The following DSG2 variants were observed in gnomAD, a reference collection of about 807,000 sequenced individuals.
DSG2 encodes desmoglein 2, also known as desmoglein-2.
A neutral mutation model predicts 75.6 loss-of-function variants in DSG2; 45 were observed. That is an observed-to-expected ratio of 0.60 (90% CI 0.47 to 0.76). The LOEUF is 0.76. Among genes scored for constraint, DSG2 ranks in the 30% least tolerant of loss-of-function variants. The pLI is 0.00. For missense variants in DSG2, 1,267 were observed against 1,357.4 expected, an observed-to-expected ratio of 0.93 and a Z score of 1.05; for synonymous variants, 429 against 483.9, an observed-to-expected ratio of 0.89 and a Z score of 1.49.
At chr18:31,530,768 T>G (rs1348733695) in intron 8 of DSG2, among the ~76,000 whole-genome samples, 2 of 152,086 alleles carry the variant, frequency 1.3e-5, no homozygotes, top group East Asian at 3.9e-4. Context: ...GAAAATAAAT[T>G]GGTAATACTT....
Position 31,538,767 on chromosome 18 carries a change from G to T in DSG2, c.1668G>T (p.Leu556=), listed in dbSNP as rs1173417819. 3.1e-6 allele frequency: 5 copies of T among 1,614,058 alleles called. No individual in the cohort carries two copies. In the African/African-American group the frequency reaches 4.0e-5, roughly 13 times the overall value. Residue 556 remains leucine (L), a synonymous_variant, in exon 12 of 15, where the codon CTG becomes CTT. Coordinates refer to ENST00000261590, the MANE Select transcript of DSG2 (RefSeq NM_001943.5). ...IARQESTSVL[L]QQSEKKLGRS... ...ACCTTGTAGGTACCAGTGTGCTGCT[G>T]CAACAAAGTGAGAAAAAGCTTGGGA... is the stretch of plus-strand genomic sequence containing the variant.
At chr18:31,525,013 G>C in intron 8 of DSG2, 125 bp downstream of exon 8, 1 of 941,694 alleles carries the variant, frequency 1.1e-6, no homozygotes, top group East Asian at 2.6e-5. Flanking sequence ...ACAGTTGTTT[G>C]AGAAAGGAGC....
rs577638064 is a variant in DSG2, at chr18:31,501,424, G to A, written c.45+3128G>A. 7.2e-5 allele frequency among the ~76,000 whole-genome samples: 11 copies of A among 152,336 alleles called. 1 individual carries two copies. In the South Asian group the frequency reaches 2.1e-3, roughly 29 times the overall value. ...AGTTTGCTAGGACTGCTGTAACGAA[G>A]TGCTAAAAACTGAGTGGCTTAAAAC... On this transcript the variant is annotated intron_variant, in intron 1 of 14. Transcript: ENST00000261590.
At chr18:31,514,398 G>A (rs915860135) in intron 1 of DSG2, among the ~76,000 whole-genome samples, 2 of 152,124 alleles carry the variant, frequency 1.3e-5, no homozygotes, top group African/African-American at 4.8e-5. Context: ...TTTTATACAT[G>A]TTTGCAATTT....
At chr18:31,520,711 A>G in intron 3 of DSG2, 92 bp from the exon 4 acceptor site, 1 of 1,335,108 alleles carries the variant, frequency 7.5e-7, no homozygotes, top group Non-Finnish European at 1.0e-6. Context: ...CCTGTAAATT[A>G]TAGAGAATCA....
In DSG2 at chr18:31,546,466, C is replaced by G; in HGVS notation, c.3080C>G (p.Ser1027Ter). The G allele has an allele frequency of 6.2e-7, 1 of 1,614,194 alleles. No individual in the cohort carries two copies. The highest frequency in any genetic ancestry group is 8.5e-7 in the Non-Finnish European group (1 of 1,180,018). ...RERESFLAPS[S>*]GVQPTLAMPN... ...AGAGAGAGCTTCCTTGCCCCCAGCT[C>G]AGGTGTGCAGCCTACTCTGGCCATG... The change falls in exon 15 of 15, where the codon TCA becomes TGA. Residue 1027 changes from serine to a stop codon, truncating the protein, a stop_gained. Coordinates refer to ENST00000261590, the MANE Select transcript of DSG2 (RefSeq NM_001943.5). LOFTEE classifies it low-confidence loss of function (END_TRUNC).
chr18:31,534,060 G>A (rs868097426), intron 9 of DSG2, among the ~76,000 whole-genome samples: 5 of 144,656 alleles, frequency 3.5e-5, no homozygotes, highest in Admixed American at 1.4e-4. Context: ...GCACGATCTC[G>A]GCTTACTGCA....
chr18:31,530,842 T>C (rs1330279854), intron 8 of DSG2, 145 bp from the exon 9 acceptor site: 1 of 722,658 alleles, frequency 1.4e-6, no homozygotes, highest in Admixed American at 2.8e-5. Flanking sequence ...TTGGTGTCAG[T>C]ATAAGAGTTG....
chr18:31,542,963 T>A, intron 14 of DSG2, 111 bp downstream of exon 14: 1 of 1,016,742 alleles, frequency 9.8e-7, no homozygotes, highest in Non-Finnish European at 1.4e-6. Flanking sequence ...CTTTGGGTTT[T>A]TTTTTTTTTT....
At position 31,507,689 on chromosome 18, in the gene DSG2, C is replaced by A. The variant is rs146427878; in HGVS notation, c.45+9393C>A. Among the ~76,000 whole-genome samples, 701 of 152,256 alleles carry A rather than the reference C, an allele frequency of 4.6e-3. 6 individuals are homozygous for A. The highest frequency in any genetic ancestry group is 0.016 in the African/African-American group (665 of 41,550). On this transcript the variant is annotated intron_variant, in intron 1 of 14. Coordinates refer to ENST00000261590, the MANE Select transcript of DSG2 (RefSeq NM_001943.5). Reference sequence around the variant, plus strand: ...TCCCCTAATGACCAGTGATGATGAGCTTTTTTTCATGTTTGTTGGCTGCAT... The same window carrying A: ...TCCCCTAATGACCAGTGATGATGAGATTTTTTTCATGTTTGTTGGCTGCAT...
chr18:31,533,548 T>C (rs553457000), intron 9 of DSG2, among the ~76,000 whole-genome samples: 1 of 152,364 alleles, frequency 6.6e-6, no homozygotes, highest in Non-Finnish European at 1.5e-5. Context: ...TTGAATGATG[T>C]CTAGCTTTTA....
chr18:31,528,849 T>C (rs1353347527), intron 8 of DSG2, among the ~76,000 whole-genome samples: 2 of 152,158 alleles, frequency 1.3e-5, no homozygotes, highest in Non-Finnish European at 2.9e-5. Flanking sequence ...CTGGGATTGC[T>C]TGGAGTGGTG....
chr18:31,539,787 C>T (rs2073255235), intron 12 of DSG2, among the ~76,000 whole-genome samples: 2 of 152,212 alleles, frequency 1.3e-5, no homozygotes, highest in South Asian at 4.1e-4. Context: ...CCAGGCCGCA[C>T]AGCAGGAGGT....
chr18:31,536,468 T>C, intron 11 of DSG2, 39 bp downstream of exon 11: 1 of 1,529,456 alleles, frequency 6.5e-7, no homozygotes, highest in Non-Finnish European at 9.0e-7. Context: ...ATCTAAATAT[T>C]AAGCATGATA....
chr18:31,545,513 C>A (rs986967800), intron 14 of DSG2, among the ~76,000 whole-genome samples: 3 of 151,798 alleles, frequency 2.0e-5, no homozygotes, highest in African/African-American at 7.3e-5. Context: ...CTCTGCCTTT[C>A]TATTTTTTCC....
intron 6 of DSG2, chr18:31,522,574 A>C (rs1478935634): frequency 2.1e-5 from 4 of 193,268 alleles, no homozygotes. Context: ...AATATTTTAG[A>C]TATCATAGAT....
At chr18:31,520,423 C>G (rs2073121135) in intron 3 of DSG2, among the ~76,000 whole-genome samples, 1 of 152,124 alleles carries the variant, frequency 6.6e-6, no homozygotes, top group Non-Finnish European at 1.5e-5. Context: ...TGTTGCTACT[C>G]TATATTTCAA....
chr18:31,515,158 A>G (rs903447677), intron 1 of DSG2, among the ~76,000 whole-genome samples: 2 of 152,124 alleles, frequency 1.3e-5, no homozygotes, highest in Admixed American at 6.5e-5. Context: ...ACTAGAGTGC[A>G]GTGGCGCGAT....
intron 8 of DSG2, among the ~76,000 whole-genome samples, chr18:31,528,561 T>G (rs2073176143): frequency 6.6e-6 from 1 of 151,870 alleles, no homozygotes; most frequent in African/African-American, 2.4e-5. Context: ...AAACAAAAAA[T>G]TAGCCAGGTT....
Sources: gnomAD v4.1 joint callset for allele counts (sites outside exome capture counted in the v4.1 genomes callset) on GRCh38, gnomAD v4.1.1 for gene constraint, MANE v1.5 for transcripts, NCBI Gene and HGNC (gene_info 2026-07-23, HGNC 2026-07-21) for gene names.